Variants in TMEFF2 observed in about 807,000 individuals in gnomAD.
The protein encoded by TMEFF2 is transmembrane protein with EGF like and two follistatin like domains 2.
TMEFF2 carries 28 observed loss-of-function variants against 53.8 expected under a neutral mutation model. That is an observed-to-expected ratio of 0.52 (90% CI 0.39 to 0.71). The LOEUF is 0.71. TMEFF2 is among the 30% of genes least tolerant of loss of function. The pLI is 0.00. For synonymous variants in TMEFF2, 162 were observed against 166.3 expected (o/e 0.97, Z 0.20); for missense variants, 353 against 455.2 (o/e 0.78, Z 2.04).
chr2:191,969,099 GTGTATATA>G (rs1692550104), intron 7 of TMEFF2, among the ~76,000 whole-genome samples: 1 of 149,886 alleles, frequency 6.7e-6, no homozygotes, highest in Admixed American at 6.7e-5. Context: ...ATATATGTTT[GTGTATATA>G]TGTATGTATG....
intron 7 of TMEFF2, among the ~76,000 whole-genome samples, chr2:191,994,098 A>G (rs1386001195): frequency 6.6e-6 from 1 of 152,014 alleles, no homozygotes; most frequent in Non-Finnish European, 1.5e-5. Flanking sequence ...AATTGATTCA[A>G]CCATAATTTC....
chr2:192,089,943 C>G lies in TMEFF2; in HGVS notation c.440-32168G>C, dbSNP rs1022141219. Among the ~76,000 whole-genome samples the G allele has an allele frequency of 1.2e-4, 18 of 152,256 alleles. No individual in the cohort carries two copies. The South Asian group carries it at 2.7e-3, about 23-fold the overall frequency. Reference sequence around the variant, plus strand: ...TTCTTTTCTCCACGCATTGACTTCCCTATGTAAGATGACTTCTCTTCTCTT... The same window carrying G: ...TTCTTTTCTCCACGCATTGACTTCCGTATGTAAGATGACTTCTCTTCTCTT... On this transcript the variant is annotated intron_variant, in intron 4 of 9. Coordinates refer to ENST00000272771, the MANE Select transcript of TMEFF2 (RefSeq NM_016192.4).
At chr2:192,052,637 C>CA (rs146355378) in intron 5 of TMEFF2, among the ~76,000 whole-genome samples, 19,012 of 135,404 alleles carry the variant, frequency 0.14, 1,342 homozygotes, top group East Asian at 0.32. Context: ...ATTTATAAGC[C>CA]ATTCTTCTTC....
intron 5 of TMEFF2, among the ~76,000 whole-genome samples, chr2:192,042,865 C>T (rs1366362832): frequency 6.6e-6 from 1 of 152,176 alleles, no homozygotes; most frequent in African/African-American, 2.4e-5. Context: ...TACTCACACA[C>T]ACCAAAAGGG....
At chr2:191,962,183 A>G (rs73044383) in intron 7 of TMEFF2, among the ~76,000 whole-genome samples, 4,107 of 152,178 alleles carry the variant, frequency 0.027, 197 homozygotes, top group African/African-American at 0.093. Context: ...ACATTATTCT[A>G]TTTTTTTCAG....
chr2:192,077,158 G>T (rs1175436548), intron 4 of TMEFF2, among the ~76,000 whole-genome samples: 1 of 152,126 alleles, frequency 6.6e-6, no homozygotes, highest in Non-Finnish European at 1.5e-5. Context: ...GTGGAAAATA[G>T]CGGTTGAGAG....
chr2:192,057,998 C>T (rs1687953204), intron 4 of TMEFF2, among the ~76,000 whole-genome samples: 1 of 152,090 alleles, frequency 6.6e-6, no homozygotes, highest in African/African-American at 2.4e-5. Context: ...TTGCATTTTG[C>T]ATGCTAAATA....
chr2:192,154,178 T>C (rs1426579225), intron 4 of TMEFF2, among the ~76,000 whole-genome samples: 1 of 151,876 alleles, frequency 6.6e-6, no homozygotes, highest in Non-Finnish European at 1.5e-5. Context: ...AATGTTACAC[T>C]TCAGTATTTA....
intron 5 of TMEFF2, among the ~76,000 whole-genome samples, chr2:192,057,393 G>T (rs1042722488): frequency 6.6e-6 from 1 of 152,060 alleles, no homozygotes; most frequent in Non-Finnish European, 1.5e-5. Context: ...AGATATTCTA[G>T]TAAATAAGAC....
At chr2:191,973,807 GAT>G (rs1692723725) in intron 7 of TMEFF2, among the ~76,000 whole-genome samples, 1 of 152,140 alleles carries the variant, frequency 6.6e-6, no homozygotes, top group Non-Finnish European at 1.5e-5. Context: ...CTGTTCTCAT[GAT>G]AGTTAGTGAG....
At chr2:192,148,916 T>G (rs928324472) in intron 4 of TMEFF2, among the ~76,000 whole-genome samples, 1 of 152,012 alleles carries the variant, frequency 6.6e-6, no homozygotes, top group Non-Finnish European at 1.5e-5. Context: ...TTTTAAATTT[T>G]TAAACAAATG....
At chr2:192,142,803 G>A (rs1191262576) in intron 4 of TMEFF2, among the ~76,000 whole-genome samples, 1 of 152,066 alleles carries the variant, frequency 6.6e-6, no homozygotes, top group Non-Finnish European at 1.5e-5. Flanking sequence ...TCATACACCT[G>A]TGAATAAGGA....
At chr2:192,048,962 T>C (rs1287006324) in intron 5 of TMEFF2, among the ~76,000 whole-genome samples, 1 of 152,168 alleles carries the variant, frequency 6.6e-6, no homozygotes, top group Non-Finnish European at 1.5e-5. Flanking sequence ...AAATGAAAAC[T>C]ACACAGTCTT....
chr2:192,171,218 T>A (rs544083265), intron 4 of TMEFF2, among the ~76,000 whole-genome samples: 3 of 152,154 alleles, frequency 2.0e-5, no homozygotes, highest in African/African-American at 7.2e-5. Context: ...CCTAGGATAT[T>A]TTCTCAATAT....
Position 192,128,509 on chromosome 2 carries a change from A to G in TMEFF2, c.439+51159T>C, listed in dbSNP as rs550517818. 1.2e-4 allele frequency among the ~76,000 whole-genome samples: 18 copies of G among 152,348 alleles called. 1 individual carries two copies. The East Asian group carries it at 3.5e-3, about 29-fold the overall frequency. The stretch of plus-strand genomic sequence containing the variant: ...ATCTTAAAAATGAATTCCTGAATGT[A>G]CGGATAGAAAATGAACATCAGAACA... On this transcript the variant is annotated intron_variant, in intron 4 of 9. Coordinates refer to ENST00000272771, the MANE Select transcript of TMEFF2 (RefSeq NM_016192.4).
chr2:191,967,400 A>G (rs1484901354), intron 7 of TMEFF2, among the ~76,000 whole-genome samples: 1 of 152,108 alleles, frequency 6.6e-6, no homozygotes, highest in Non-Finnish European at 1.5e-5. Context: ...ACAAATAGCT[A>G]ATTTTAAGGA....
chr2:192,178,005 A>G (rs2106031749), intron 4 of TMEFF2: 1 of 151,176 alleles, frequency 6.6e-6, no homozygotes, highest in Non-Finnish European at 1.5e-5. Flanking sequence ...TCAAGCAGAA[A>G]AAAGTAAATG....
At chr2:192,064,875 A>G (rs1303873268) in intron 4 of TMEFF2, among the ~76,000 whole-genome samples, 1 of 151,908 alleles carries the variant, frequency 6.6e-6, no homozygotes, top group Non-Finnish European at 1.5e-5. Flanking sequence ...GCACAGCCAC[A>G]GTTGACTTTA....
At chr2:192,105,502 G>A (rs920049698) in intron 4 of TMEFF2, among the ~76,000 whole-genome samples, 13 of 151,848 alleles carry the variant, frequency 8.6e-5, no homozygotes, top group Admixed American at 3.3e-4. Context: ...AGAAGGTATT[G>A]TCATTATTTC....
Sources: gnomAD v4.1 joint callset for allele counts (sites outside exome capture counted in the v4.1 genomes callset) on GRCh38, gnomAD v4.1.1 for gene constraint, MANE v1.5 for transcripts, NCBI Gene and HGNC (gene_info 2026-07-23, HGNC 2026-07-21) for gene names.